The following NTM variants were observed in gnomAD, a reference collection of about 807,000 sequenced individuals.
The protein encoded by NTM is IgLON family member 2.
Under a neutral mutation model 42.1 loss-of-function variants are expected in NTM, and 13 were observed. The observed-to-expected ratio is 0.31, with a 90% CI of 0.20 to 0.49. The LOEUF (loss-of-function observed/expected upper bound fraction) is 0.49. Among genes scored for constraint, NTM ranks in the 20% least tolerant of loss-of-function variants. The pLI is 0.99. For synonymous variants in NTM, 187 were observed against 179.2 expected (o/e 1.04, Z -0.35); for missense variants, 373 against 452.8 (o/e 0.82, Z 1.60).
At chr11:131,689,578 C>T (rs1308026316) in intron 1 of NTM, among the ~76,000 whole-genome samples, 1 of 152,226 alleles carries the variant, frequency 6.6e-6, no homozygotes, top group Non-Finnish European at 1.5e-5. Flanking sequence ...TGGAAGCACT[C>T]AGTCCTTCAC....
chr11:131,715,903 G>A (rs1318798097), intron 1 of NTM, among the ~76,000 whole-genome samples: 4 of 152,224 alleles, frequency 2.6e-5, no homozygotes, highest in African/African-American at 9.6e-5. Context: ...AATGATTGGT[G>A]TACATTTAGG....
chr11:131,424,600 C>CTTTTCTTTTCTT (rs1555108116), intron 1 of NTM, among the ~76,000 whole-genome samples: 6 of 56,052 alleles, frequency 1.1e-4, no homozygotes, highest in African/African-American at 4.4e-4. Context: ...CTTTTCTTTT[C>CTTTTCTTTTCTT]TTTTTTTTTT....
intron 2 of NTM, among the ~76,000 whole-genome samples, chr11:132,143,485 C>T (rs2069631272): frequency 6.6e-6 from 1 of 152,198 alleles, no homozygotes; most frequent in South Asian, 2.1e-4. Flanking sequence ...CCTGCTTCTA[C>T]AGTTTAATAT....
At chr11:131,519,138 C>T (rs2049266813) in intron 1 of NTM, among the ~76,000 whole-genome samples, 1 of 152,198 alleles carries the variant, frequency 6.6e-6, no homozygotes, top group Non-Finnish European at 1.5e-5. Context: ...CTCCTCAGGG[C>T]CACTTCATGA....
intron 1 of NTM, among the ~76,000 whole-genome samples, chr11:131,720,906 T>C (rs2078254111): frequency 6.6e-6 from 1 of 152,178 alleles, no homozygotes; most frequent in African/African-American, 2.4e-5. Context: ...GAGGGCTAAA[T>C]GACTAGAGAA....
chr11:131,548,623 T>A (rs1164903897), intron 1 of NTM, among the ~76,000 whole-genome samples: 2 of 152,190 alleles, frequency 1.3e-5, no homozygotes, highest in Non-Finnish European at 1.5e-5. Flanking sequence ...CCTGACTTCT[T>A]TCTATTCCGA....
intron 1 of NTM, among the ~76,000 whole-genome samples, chr11:131,797,337 G>A (rs530016615): frequency 6.6e-6 from 1 of 152,196 alleles, no homozygotes; most frequent in Non-Finnish European, 1.5e-5. Context: ...ACTCTGTAAG[G>A]GGGGGCAGGA....
chr11:131,878,594 A>AATATATAT (rs201069325), intron 1 of NTM, among the ~76,000 whole-genome samples: 27 of 19,314 alleles, frequency 1.4e-3, no homozygotes, highest in South Asian at 2.4e-3. Context: ...AAAAAAAAAA[A>AATATATAT]ATATATATAT....
chr11:131,593,664 C>CTGAT (rs1362101953), intron 1 of NTM, among the ~76,000 whole-genome samples: 1 of 152,248 alleles, frequency 6.6e-6, no homozygotes, highest in Non-Finnish European at 1.5e-5. Context: ...GGTCATTCAG[C>CTGAT]TGATAGTACG....
intron 1 of NTM, among the ~76,000 whole-genome samples, chr11:131,875,221 G>C (rs1435356693): frequency 6.6e-6 from 1 of 150,876 alleles, no homozygotes; most frequent in Non-Finnish European, 1.5e-5. Flanking sequence ...CTGGTTTATT[G>C]GTTTTATACA....
intron 1 of NTM, among the ~76,000 whole-genome samples, chr11:131,597,026 G>A (rs376473965): frequency 1.2e-4 from 19 of 152,132 alleles, no homozygotes; most frequent in South Asian, 4.1e-4. Flanking sequence ...CTGCCTGCTT[G>A]TATTCTAGCT....
chr11:131,385,935 T>A (rs953635990), intron 1 of NTM, among the ~76,000 whole-genome samples: 1 of 152,108 alleles, frequency 6.6e-6, no homozygotes, highest in African/African-American at 2.4e-5. Context: ...AAGCTAAACA[T>A]GGAATTACCA....
At chr11:131,471,537 T>G (rs1009314099) in intron 1 of NTM, among the ~76,000 whole-genome samples, 4 of 152,210 alleles carry the variant, frequency 2.6e-5, no homozygotes, top group Non-Finnish European at 5.9e-5. Flanking sequence ...TAGAGCTGCC[T>G]GAGAGGCAGG....
At chr11:131,949,304 G>A (rs1264089613) in intron 2 of NTM, among the ~76,000 whole-genome samples, 6 of 152,182 alleles carry the variant, frequency 3.9e-5, no homozygotes, top group Admixed American at 3.9e-4. Flanking sequence ...GTGGTGCAAT[G>A]AGCATGGGCG....
chr11:132,072,779 C>G (rs1180722808), intron 2 of NTM, among the ~76,000 whole-genome samples: 1 of 152,160 alleles, frequency 6.6e-6, no homozygotes, highest in Non-Finnish European at 1.5e-5. Flanking sequence ...ACAGGGGCCT[C>G]TGCGGGACTC....
chr11:131,425,064 T>C (rs1210757301), intron 1 of NTM, among the ~76,000 whole-genome samples: 1 of 151,418 alleles, frequency 6.6e-6, no homozygotes, highest in Non-Finnish European at 1.5e-5. Flanking sequence ...GTATTTTTAG[T>C]GGAGACAGGG....
chr11:131,432,836 A>ATTTTTTTT (rs1565494754), intron 1 of NTM, among the ~76,000 whole-genome samples: 1 of 87,420 alleles, frequency 1.1e-5, no homozygotes, highest in African/African-American at 4.5e-5. Flanking sequence ...AAGATTTAGC[A>ATTTTTTTT]TTCTTTTTTT....
intron 1 of NTM, among the ~76,000 whole-genome samples, chr11:131,902,841 C>T (rs376826776): frequency 3.9e-5 from 6 of 152,338 alleles, no homozygotes; most frequent in Non-Finnish European, 5.9e-5. Flanking sequence ...AATTATTTCA[C>T]GGCACTTAGC....
chr11:131,572,429 G>C (rs539770291), intron 1 of NTM, among the ~76,000 whole-genome samples: 1 of 152,120 alleles, frequency 6.6e-6, no homozygotes, highest in Non-Finnish European at 1.5e-5. Flanking sequence ...CGTGACTCCT[G>C]TCCCAATCTT....
Sources: allele counts gnomAD v4.1 joint callset (sites outside exome capture counted in the v4.1 genomes callset), GRCh38; gene constraint gnomAD v4.1.1; transcripts MANE v1.5; gene names NCBI Gene and HGNC (gene_info 2026-07-23, HGNC 2026-07-21).